Variants in DMD observed in about 807,000 individuals in gnomAD.
DMD encodes the protein dystrophin.
Under a neutral mutation model 330.1 loss-of-function variants are expected in DMD, and 63 were observed. That is an observed-to-expected ratio of 0.19 (90% CI 0.16 to 0.24). The LOEUF (loss-of-function observed/expected upper bound fraction) is 0.24, where lower values mean the gene tolerates loss of function less well. DMD is among the 10% of genes least tolerant of loss of function. The probability of loss-of-function intolerance (pLI) is 1.00; values close to 1 mark genes in which losing one functional copy is unlikely to be tolerated. For synonymous variants in DMD, 1,223 were observed against 959.8 expected (o/e 1.27, Z -5.07); for missense variants, 3,344 against 2,684.1 (o/e 1.25, Z -5.43).
intron 44 of DMD, among the ~76,000 whole-genome samples, chrX:32,141,309 G>A (rs1472988864): frequency 5.5e-5 from 6 of 108,813 alleles, no homozygotes; most frequent in Non-Finnish European, 1.1e-4. Flanking sequence ...GGTTGTGGGC[G>A]CCTCTAATCC....
At chrX:32,575,624 C>T (rs1055290285) in intron 13 of DMD, among the ~76,000 whole-genome samples, 3 of 111,950 alleles carry the variant, frequency 2.7e-5, no homozygotes, top group African/African-American at 9.7e-5. Flanking sequence ...AGCTAACTTC[C>T]TAGTGACCCT....
Position 31,970,713 on chromosome X carries a change from G to T in DMD, c.6439-2199C>A, listed in dbSNP as rs780920388. Among the ~76,000 whole-genome samples, 11 of 111,110 alleles carry T rather than the reference G, an allele frequency of 9.9e-5. No homozygotes were observed. The East Asian group carries it at 3.1e-3, about 32-fold the overall frequency. ...CCACTGTATGAGAGCAGGCGTTAGG[G>T]GAGGAGTACAGCCCTCGGTGTATAT... On this transcript the variant is annotated intron_variant, in intron 44 of 78. Transcript: ENST00000357033.
intron 44 of DMD, among the ~76,000 whole-genome samples, chrX:32,060,430 A>G (rs2096214607): frequency 9.0e-6 from 1 of 111,421 alleles, no homozygotes; most frequent in Non-Finnish European, 1.9e-5. Context: ...AACTTAATCT[A>G]TATCATCCTT....
intron 76 of DMD, among the ~76,000 whole-genome samples, chrX:31,141,569 G>T (rs895586567): frequency 2.7e-5 from 3 of 111,474 alleles, no homozygotes; most frequent in African/African-American, 9.8e-5. Flanking sequence ...GAAGAATTTT[G>T]CTCTTTTTCA....
At chrX:32,230,356 C>T (rs866575647) in intron 43 of DMD, among the ~76,000 whole-genome samples, 64 of 111,760 alleles carry the variant, frequency 5.7e-4, no homozygotes, top group African/African-American at 1.9e-3. Context: ...GCCTTTCTCC[C>T]GCCTCAGCTT....
intron 44 of DMD, among the ~76,000 whole-genome samples, chrX:32,062,091 C>T (rs986002245): frequency 3.6e-5 from 4 of 110,971 alleles, no homozygotes; most frequent in African/African-American, 1.3e-4. Context: ...TATGTGTACA[C>T]ATATTCAGGG....
At chrX:33,246,977 C>T (rs147199206) in intron 1 of DMD, among the ~76,000 whole-genome samples, 11,284 of 111,302 alleles carry the variant, frequency 0.1, 651 homozygotes, top group African/African-American at 0.22. Context: ...AGCCACCATG[C>T]CCGGCCAATT....
intron 18 of DMD, among the ~76,000 whole-genome samples, chrX:32,506,707 T>A (rs2148723128): frequency 9.0e-6 from 1 of 111,607 alleles, no homozygotes; most frequent in South Asian, 3.7e-4. Flanking sequence ...CACTTGAAAA[T>A]TTCAAAGCAC....
At chrX:31,378,740 T>C (rs767550277) in intron 60 of DMD, among the ~76,000 whole-genome samples, 111 of 109,327 alleles carry the variant, frequency 1.0e-3, no homozygotes, top group African/African-American at 3.4e-3. Context: ...TCTACTCCCT[T>C]TTCTCTGGGC....
At chrX:32,578,315 A>C (rs1164414902) in intron 13 of DMD, among the ~76,000 whole-genome samples, 1 of 112,448 alleles carries the variant, frequency 8.9e-6, no homozygotes, top group South Asian at 3.7e-4. Context: ...CTACACATAA[A>C]TGTAAAACCA....
chrX:31,432,932 A>G (rs1162033323), intron 60 of DMD, among the ~76,000 whole-genome samples: 1 of 112,031 alleles, frequency 8.9e-6, no homozygotes, highest in Non-Finnish European at 1.9e-5. Context: ...CTCAAGGGGT[A>G]CATGTGCAGG....
intron 3 of DMD, among the ~76,000 whole-genome samples, chrX:32,845,327 C>G (rs1426215345): frequency 1.8e-5 from 2 of 111,967 alleles, no homozygotes; most frequent in Admixed American, 1.9e-4. Context: ...CACTGAAGCT[C>G]TAAACCTCAA....
intron 2 of DMD, among the ~76,000 whole-genome samples, chrX:32,870,574 A>G (rs2082871697): frequency 9.0e-6 from 1 of 111,607 alleles, no homozygotes. Flanking sequence ...AAACAGACAC[A>G]TAGACCAATG....
intron 7 of DMD, among the ~76,000 whole-genome samples, chrX:32,774,478 A>C (rs2073947655): frequency 8.9e-6 from 1 of 111,740 alleles, no homozygotes; most frequent in Admixed American, 9.5e-5. Flanking sequence ...TAATTTAGAA[A>C]GAAAGAGGTT....
chrX:32,110,370 G>C (rs2096583923), intron 44 of DMD, among the ~76,000 whole-genome samples: 1 of 111,773 alleles, frequency 8.9e-6, no homozygotes, highest in African/African-American at 3.2e-5. Flanking sequence ...AGTTTCCACA[G>C]TAAAAAAAGA....
At chrX:32,406,614 T>C (rs1239237704) in intron 30 of DMD, among the ~76,000 whole-genome samples, 10 of 111,365 alleles carry the variant, frequency 9.0e-5, no homozygotes, top group African/African-American at 3.3e-4. Flanking sequence ...CACTTGGTCA[T>C]GGTGCATAAG....
At chrX:31,322,674 C>T (rs1400800440) in intron 62 of DMD, among the ~76,000 whole-genome samples, 1 of 111,682 alleles carries the variant, frequency 9.0e-6, no homozygotes, top group Non-Finnish European at 1.9e-5. Flanking sequence ...GCTGTTATTG[C>T]TTTAGAACCG....
intron 16 of DMD, among the ~76,000 whole-genome samples, chrX:32,563,317 T>C (rs890099729): frequency 1.5e-4 from 12 of 80,051 alleles, no homozygotes; most frequent in Non-Finnish European, 2.2e-4. Flanking sequence ...CACTCCAGCC[T>C]GGGTGACACA....
At chrX:32,508,796 G>T (rs2044917900) in intron 18 of DMD, among the ~76,000 whole-genome samples, 1 of 110,528 alleles carries the variant, frequency 9.0e-6, no homozygotes, top group African/African-American at 3.3e-5. Flanking sequence ...ATCTTAAAAA[G>T]AAATTTAGGA....
Sources: allele counts gnomAD v4.1 joint callset (sites outside exome capture counted in the v4.1 genomes callset), GRCh38; gene constraint gnomAD v4.1.1; transcripts MANE v1.5; gene names NCBI Gene and HGNC (gene_info 2026-07-23, HGNC 2026-07-21).